PDZD2: variants seen among roughly 807,000 people sequenced by gnomAD.
PDZD2 encodes PDZ domain-containing protein 2.
A neutral mutation model predicts 220.7 loss-of-function variants in PDZD2; 90 were observed. That is an observed-to-expected ratio of 0.41 (90% confidence interval 0.34 to 0.49). The LOEUF is 0.49. PDZD2 is among the 20% of genes least tolerant of loss of function. The pLI is 0.28. For synonymous variants in PDZD2, 1,375 were observed against 1,450.5 expected (o/e 0.95, Z 1.18); for missense variants, 3,174 against 3,608.5 (o/e 0.88, Z 3.08).
rs566312476 is a variant in PDZD2 at position 31,930,306 on chromosome 5, C to T, written c.477-52849C>T. On this transcript the variant is annotated intron_variant, in intron 2 of 24. Coordinates refer to ENST00000438447, the MANE Select transcript of PDZD2 (RefSeq NM_178140.4). ...CTGCAAGCTCTGCCTCCCGGGTTCA[C>T]GCCATTCTCCTGCCTCAGTCTCCCA... 1.4e-4 allele frequency among the ~76,000 whole-genome samples: 21 copies of T among 149,698 alleles called. No homozygotes were observed. In the Admixed American group the frequency reaches 1.4e-3, roughly 10 times the overall value.
At chr5:31,774,352 CA>C (rs1752509302) in intron 1 of PDZD2, among the ~76,000 whole-genome samples, 1 of 151,818 alleles carries the variant, frequency 6.6e-6, no homozygotes, top group Admixed American at 6.6e-5. Flanking sequence ...CCCCCTTTGC[CA>C]AAAAGTTGAT....
chr5:31,839,719 A>G (rs1256038200), intron 2 of PDZD2, among the ~76,000 whole-genome samples: 1 of 152,114 alleles, frequency 6.6e-6, no homozygotes, highest in Non-Finnish European at 1.5e-5. Context: ...TCTCATCTTG[A>G]ATTGCAGTTC....
At chr5:31,661,785 GTTTTT>G (rs5867089) in intron 1 of PDZD2, among the ~76,000 whole-genome samples, 1 of 141,806 alleles carries the variant, frequency 7.1e-6, no homozygotes. Flanking sequence ...TCCTCCCTTG[GTTTTT>G]TTTTTTTTTC....
chr5:31,761,358 A>G (rs1290703043), intron 1 of PDZD2, among the ~76,000 whole-genome samples: 1 of 152,154 alleles, frequency 6.6e-6, no homozygotes, highest in Non-Finnish European at 1.5e-5. Flanking sequence ...GAGTAGAGAA[A>G]TAAAAAGATA....
intron 2 of PDZD2, among the ~76,000 whole-genome samples, chr5:31,908,054 G>T (rs1269625897): frequency 8.2e-6 from 1 of 121,822 alleles, no homozygotes; most frequent in Non-Finnish European, 1.6e-5. Context: ...TTGCACTCTA[G>T]CCTGGGTGAC....
intron 1 of PDZD2, among the ~76,000 whole-genome samples, chr5:31,711,248 T>C (rs2150139170): frequency 6.6e-6 from 1 of 152,294 alleles, no homozygotes; most frequent in African/African-American, 2.4e-5. Context: ...CACCAGAATT[T>C]GCAGTCCAAC....
At chr5:31,763,704 A>G (rs765832654) in intron 1 of PDZD2, among the ~76,000 whole-genome samples, 1 of 151,970 alleles carries the variant, frequency 6.6e-6, no homozygotes, top group Non-Finnish European at 1.5e-5. Context: ...TCTCTTTGTG[A>G]AAAATCCAGA....
intron 1 of PDZD2, among the ~76,000 whole-genome samples, chr5:31,797,094 ATTTTTTTT>A (rs756548601): frequency 2.0e-4 from 13 of 66,544 alleles, no homozygotes; most frequent in Admixed American, 4.0e-4. Flanking sequence ...CACCCAGCTA[ATTTTTTTT>A]TTTTTTTTTT....
chr5:31,851,337 C>T (rs981458801), intron 2 of PDZD2, among the ~76,000 whole-genome samples: 1 of 152,106 alleles, frequency 6.6e-6, no homozygotes, highest in African/African-American at 2.4e-5. Context: ...GTGAATTCAC[C>T]CCAGCACTGC....
chr5:32,089,803 T>G lies in PDZD2; in HGVS notation c.6355T>G (p.Leu2119Val). The change falls in exon 20 of 25, where the codon TTG becomes GTG. Residue 2119 changes from leucine (L) to valine (V), a missense_variant. This residue lies in a region of PDZD2 where 1,861 missense variants were observed against 2,001.0 expected (regional missense o/e 0.93). Transcript: ENST00000438447. ...TGAAAGCGACAGACGGGGAGGGTGC[T>G]TGGCCCAGGGCAACTGTCAGGAGAA... ...PAESDRRGGCLAQGNCQEKSE... is the reference protein window; with the variant it reads ...PAESDRRGGCVAQGNCQEKSE... 6.2e-7 allele frequency: 1 copy of G among 1,614,188 alleles called. No homozygotes were observed. The highest frequency in any genetic ancestry group is 8.5e-7 in the Non-Finnish European group (1 of 1,180,040).
chr5:31,714,550 G>A lies in PDZD2; in HGVS notation c.-361+75113G>A, dbSNP rs142002685. The stretch of plus-strand genomic sequence containing the variant: ...TGTTATGCAACCTCATACCGTCCAA[G>A]GAAAGGTTTTGTTTCTTTGTGTTGC... On this transcript the variant is annotated intron_variant, in intron 1 of 24. Coordinates refer to ENST00000438447, the MANE Select transcript of PDZD2 (RefSeq NM_178140.4). Among the ~76,000 whole-genome samples, 307 of 152,258 alleles carry A rather than the reference G, an allele frequency of 2.0e-3. 3 individuals are homozygous for A. The highest frequency in any genetic ancestry group is 7.0e-3 in the African/African-American group (291 of 41,556).
intron 1 of PDZD2, among the ~76,000 whole-genome samples, chr5:31,755,795 C>G (rs1751273952): frequency 6.6e-6 from 1 of 152,114 alleles, no homozygotes; most frequent in Admixed American, 6.5e-5. Context: ...CTATTAACAG[C>G]TGATGAACGT....
chr5:32,040,358 G>C (rs1755966500), intron 7 of PDZD2, among the ~76,000 whole-genome samples: 1 of 150,446 alleles, frequency 6.6e-6, no homozygotes, highest in South Asian at 2.1e-4. Flanking sequence ...CCTCTGCCTG[G>C]CCGCCCCGTC....
intron 1 of PDZD2, among the ~76,000 whole-genome samples, chr5:31,702,040 G>A (rs745581910): frequency 5.3e-5 from 8 of 152,208 alleles, no homozygotes; most frequent in East Asian, 1.9e-4. Context: ...AGAAACTGCC[G>A]CTTATAGATA....
chr5:32,001,879 A>G (rs946694932), intron 5 of PDZD2, among the ~76,000 whole-genome samples: 2 of 152,190 alleles, frequency 1.3e-5, no homozygotes, highest in African/African-American at 4.8e-5. Context: ...GGCAGAGGCT[A>G]TGTGACCGAG....
chr5:31,655,276 G>A (rs903368250), intron 1 of PDZD2, among the ~76,000 whole-genome samples: 6 of 152,204 alleles, frequency 3.9e-5, no homozygotes, highest in Admixed American at 6.5e-5. Flanking sequence ...GGGTTCAAGC[G>A]ATTCTCCTGC....
At chr5:31,655,980 T>G (rs1283556757) in intron 1 of PDZD2, among the ~76,000 whole-genome samples, 1 of 152,226 alleles carries the variant, frequency 6.6e-6, no homozygotes, top group Non-Finnish European at 1.5e-5. Flanking sequence ...AATTGGATCA[T>G]CTCATTAGAG....
intron 5 of PDZD2, among the ~76,000 whole-genome samples, chr5:32,009,824 G>T (rs1269612330): frequency 1.3e-5 from 2 of 152,000 alleles, no homozygotes; most frequent in East Asian, 3.9e-4. Flanking sequence ...GGGTGTGGTG[G>T]CTCACGCCTG....
At chr5:32,051,785 G>A (rs1738579501) in intron 8 of PDZD2, among the ~76,000 whole-genome samples, 1 of 152,210 alleles carries the variant, frequency 6.6e-6, no homozygotes, top group Non-Finnish European at 1.5e-5. Context: ...TGAAGCTGCT[G>A]CCGTCTCTCA....
Sources: allele counts gnomAD v4.1 joint callset (sites outside exome capture counted in the v4.1 genomes callset), GRCh38; gene constraint gnomAD v4.1.1; regional missense constraint gnomAD v4.1.1; transcripts MANE v1.5; gene names NCBI Gene and HGNC (gene_info 2026-07-23, HGNC 2026-07-21).